The following VRK2 variants were observed in gnomAD, a reference collection of about 807,000 sequenced individuals.
The protein encoded by VRK2 is VRK serine/threonine kinase 2.
VRK2 carries 60 observed loss-of-function variants against 57.6 expected under a neutral mutation model. That is an observed-to-expected ratio of 1.04 (90% CI 0.85 to 1.29). The LOEUF is 1.29. VRK2 is among the 50% of genes most tolerant of loss of function. VRK2 has a pLI of 0.00. For synonymous variants in VRK2, 231 were observed against 199.2 expected (o/e 1.16, Z -1.35); for missense variants, 705 against 588.1 (o/e 1.20, Z -2.06).
At chr2:58,028,558 A>T (rs964620848) in intron 2 of VRK2, among the ~76,000 whole-genome samples, 1 of 152,090 alleles carries the variant, frequency 6.6e-6, no homozygotes, top group African/African-American at 2.4e-5. Flanking sequence ...ATGCAGCCAT[A>T]AAAAATGATG....
intron 1 of VRK2, among the ~76,000 whole-genome samples, chr2:57,944,923 C>A (rs1671215045): frequency 1.3e-5 from 2 of 151,744 alleles, no homozygotes; most frequent in Admixed American, 1.3e-4. Flanking sequence ...GTTTTGCATG[C>A]GTTTATTCTA....
intron 7 of VRK2, among the ~76,000 whole-genome samples, chr2:58,114,011 G>C (rs1573183033): frequency 6.6e-6 from 1 of 152,200 alleles, no homozygotes. Context: ...GGAACCTAGA[G>C]TGGGAGAGAT....
chr2:57,930,524 G>C (rs1670686354), intron 1 of VRK2, among the ~76,000 whole-genome samples: 1 of 152,090 alleles, frequency 6.6e-6, no homozygotes, highest in African/African-American at 2.4e-5. Context: ...TTAAAACCTG[G>C]TACTTTGATT....
chr2:57,938,820 G>C (rs929457138), intron 1 of VRK2, among the ~76,000 whole-genome samples: 1 of 96,468 alleles, frequency 1.0e-5, no homozygotes, highest in Non-Finnish European at 2.1e-5. Context: ...TTTTTTAAGA[G>C]ACTTGTCTTC....
intron 7 of VRK2, among the ~76,000 whole-genome samples, chr2:58,110,497 G>T (rs1483209098): frequency 6.6e-6 from 1 of 152,114 alleles, no homozygotes; most frequent in African/African-American, 2.4e-5. Flanking sequence ...AAAAATATAT[G>T]TAGCCTCACA....
intron 7 of VRK2, among the ~76,000 whole-genome samples, chr2:58,108,502 C>T (rs1040114891): frequency 6.6e-6 from 1 of 151,882 alleles, no homozygotes; most frequent in Non-Finnish European, 1.5e-5. Context: ...TGATGCAAAC[C>T]TTTCTTTCTT....
At chr2:58,054,730 T>G (rs1344828113) in intron 2 of VRK2, among the ~76,000 whole-genome samples, 1 of 152,180 alleles carries the variant, frequency 6.6e-6, no homozygotes, top group Non-Finnish European at 1.5e-5. Flanking sequence ...TCATCTACAC[T>G]TAAAGGCATT....
intron 2 of VRK2, among the ~76,000 whole-genome samples, chr2:58,080,765 C>A (rs1670749902): frequency 6.6e-6 from 1 of 151,572 alleles, no homozygotes; most frequent in South Asian, 2.1e-4. Flanking sequence ...CTTATAAATA[C>A]ATTTATATTT....
chr2:58,087,430 T>C (rs1172414877), intron 5 of VRK2, among the ~76,000 whole-genome samples: 1 of 152,132 alleles, frequency 6.6e-6, no homozygotes, highest in Non-Finnish European at 1.5e-5. Context: ...CTTAGAAGGA[T>C]TTTGATGAGA....
At position 58,090,843 on chromosome 2, in the gene VRK2, C is replaced by A. The variant is rs372151673; in HGVS notation, c.543+1120C>A. On this transcript the variant is annotated intron_variant, in intron 7 of 12. Coordinates refer to ENST00000340157, the MANE Select transcript of VRK2 (RefSeq NM_006296.7). ...GAGTAGGTGAATGGATAAACTGATACATCCAGATAATGGAATATTATTCAT... is the reference window on the plus strand; with the variant it reads ...GAGTAGGTGAATGGATAAACTGATAAATCCAGATAATGGAATATTATTCAT... Among the ~76,000 whole-genome samples, 28 of 152,240 alleles carry A rather than the reference C, an allele frequency of 1.8e-4. No homozygotes were observed. In the East Asian group the frequency reaches 4.1e-3, roughly 22 times the overall value.
At chr2:58,002,474 T>C (rs1673119133) in intron 1 of VRK2, among the ~76,000 whole-genome samples, 2 of 150,598 alleles carry the variant, frequency 1.3e-5, no homozygotes, top group South Asian at 4.2e-4. Flanking sequence ...AAATTCCATC[T>C]CCAAAAAAAA....
At chr2:58,120,419 G>C (rs951721064) in intron 7 of VRK2, among the ~76,000 whole-genome samples, 2 of 151,750 alleles carry the variant, frequency 1.3e-5, no homozygotes, top group African/African-American at 4.8e-5. Flanking sequence ...TTGAACTCCT[G>C]ACCTCAAGTG....
At chr2:58,073,950 G>T (rs1417721765) in intron 2 of VRK2, among the ~76,000 whole-genome samples, 1 of 151,932 alleles carries the variant, frequency 6.6e-6, no homozygotes, top group African/African-American at 2.4e-5. Flanking sequence ...ATTAAGGGTG[G>T]ACCTGCCTTT....
At chr2:57,962,136 A>C (rs1558514566) in intron 1 of VRK2, among the ~76,000 whole-genome samples, 1 of 152,200 alleles carries the variant, frequency 6.6e-6, no homozygotes, top group Non-Finnish European at 1.5e-5. Flanking sequence ...AACATTTCCA[A>C]AAGGCTGAGT....
At chr2:57,949,084 C>T (rs1024219583) in intron 1 of VRK2, among the ~76,000 whole-genome samples, 8 of 73,000 alleles carry the variant, frequency 1.1e-4, no homozygotes, top group Admixed American at 5.4e-4. Flanking sequence ...GGACAGGGGG[C>T]GGGAATAGAA....
intron 11 of VRK2, among the ~76,000 whole-genome samples, chr2:58,144,963 G>C (rs1681894568): frequency 6.6e-6 from 1 of 151,952 alleles, no homozygotes; most frequent in African/African-American, 2.4e-5. Context: ...TACAAATTAA[G>C]GCTCTGCTTG....
intron 1 of VRK2, among the ~76,000 whole-genome samples, chr2:58,013,163 C>T (rs941766633): frequency 3.9e-5 from 6 of 152,116 alleles, no homozygotes; most frequent in Admixed American, 3.9e-4. Context: ...TCTTTAAATG[C>T]CAATATATTT....
chr2:57,927,502 C>T (rs978089969), intron 1 of VRK2, among the ~76,000 whole-genome samples: 3 of 152,054 alleles, frequency 2.0e-5, no homozygotes, highest in Non-Finnish European at 2.9e-5. Flanking sequence ...TTCTTGAACT[C>T]CTGACCTCAT....
chr2:58,077,553 G>T (rs1057206757), intron 2 of VRK2, among the ~76,000 whole-genome samples: 10 of 151,666 alleles, frequency 6.6e-5, no homozygotes, highest in Admixed American at 1.3e-4. Context: ...TATATTTTTG[G>T]GTGTTTAAAT....
Sources: allele counts gnomAD v4.1 joint callset (sites outside exome capture counted in the v4.1 genomes callset), GRCh38; gene constraint gnomAD v4.1.1; transcripts MANE v1.5; gene names NCBI Gene and HGNC (gene_info 2026-07-23, HGNC 2026-07-21).